Variants in TENM2 observed in about 807,000 individuals in gnomAD.
The protein encoded by TENM2 is teneurin-2.
Under a neutral mutation model 245.2 loss-of-function variants are expected in TENM2, and 52 were observed. That is an observed-to-expected ratio of 0.21 (90% confidence interval 0.17 to 0.27). The LOEUF is 0.27. Among genes scored for constraint, TENM2 ranks in the 10% least tolerant of loss-of-function variants. The pLI, the probability that TENM2 is intolerant of heterozygous loss-of-function variation, is 1.00. For synonymous variants in TENM2, 1,363 were observed against 1,438.9 expected, an observed-to-expected ratio of 0.95 and a Z score of 1.19; for missense variants, 3,046 against 3,666.8, an observed-to-expected ratio of 0.83 and a Z score of 4.37.
chr5:167,198,645 A>G, the TENM2 span, among the ~76,000 whole-genome samples: 2 of 152,002 alleles, frequency 1.3e-5, no homozygotes, highest in Non-Finnish European at 2.9e-5. Flanking sequence ...TGTGTCCCTT[A>G]CTTTGCAAGA....
chr5:168,200,548 G>A (rs1562274321), intron 17 of TENM2, among the ~76,000 whole-genome samples: 1 of 152,216 alleles, frequency 6.6e-6, no homozygotes, highest in Admixed American at 6.5e-5. Context: ...GAGAAGGCCA[G>A]TGTAGCTGGA....
chr5:168,069,460 C>G (rs1354757525), intron 7 of TENM2, among the ~76,000 whole-genome samples: 1 of 152,150 alleles, frequency 6.6e-6, no homozygotes, highest in Non-Finnish European at 1.5e-5. Flanking sequence ...CATCCGAGCT[C>G]TTATAAAAAT....
chr5:167,426,291 A>C (rs1274185490), intron 2 of TENM2, among the ~76,000 whole-genome samples: 1 of 152,222 alleles, frequency 6.6e-6, no homozygotes, highest in Non-Finnish European at 1.5e-5. Context: ...TATTCACAAT[A>C]GTATTTTAAA....
the TENM2 span, among the ~76,000 whole-genome samples, chr5:167,005,653 G>A: frequency 8.6e-6 from 1 of 116,512 alleles, no homozygotes; most frequent in Non-Finnish European, 1.7e-5. Flanking sequence ...TTCTGTGTGT[G>A]GGTTTTTTTT....
chr5:167,422,424 A>C (rs923292091), intron 2 of TENM2, among the ~76,000 whole-genome samples: 1 of 152,136 alleles, frequency 6.6e-6, no homozygotes, highest in African/African-American at 2.4e-5. Context: ...TAGGAACTTC[A>C]CTGGCCCAAA....
At position 167,285,075 on chromosome 5, in the gene TENM2, T is replaced by A. The variant is rs76784436; in HGVS notation, c.226+12T>A. The A allele has an allele frequency of 2.6e-6, 4 of 1,540,078 alleles. No homozygotes were observed. The highest frequency in any genetic ancestry group is 3.5e-6 in the Non-Finnish European group (4 of 1,136,170). On this transcript the variant is annotated intron_variant, in intron 1 of 28. Transcript: ENST00000518659. Reference sequence around the variant, plus strand: ...GTTTCCTAGACAAGGTTTGTAGGGTTTCCCCTGCTGATTTGCTCTCAACTG... The same window carrying A: ...GTTTCCTAGACAAGGTTTGTAGGGTATCCCCTGCTGATTTGCTCTCAACTG...
At chr5:168,113,508 C>T (rs761234250) in intron 9 of TENM2, among the ~76,000 whole-genome samples, 5 of 151,632 alleles carry the variant, frequency 3.3e-5, no homozygotes, top group African/African-American at 9.7e-5. Context: ...CTTTTCTCCA[C>T]GTATTCTCTT....
At chr5:167,435,876 A>C (rs1337241202) in intron 2 of TENM2, among the ~76,000 whole-genome samples, 2 of 151,892 alleles carry the variant, frequency 1.3e-5, no homozygotes, top group East Asian at 1.9e-4. Flanking sequence ...CAAAGAGATT[A>C]GCAGCATTTT....
chr5:168,041,072 G>A (rs1788143729), intron 5 of TENM2, among the ~76,000 whole-genome samples: 1 of 152,160 alleles, frequency 6.6e-6, no homozygotes, highest in Non-Finnish European at 1.5e-5. Flanking sequence ...TCTTGTCTAA[G>A]TAGTGGTTCA....
chr5:167,398,824 G>C (rs901310950), intron 2 of TENM2, among the ~76,000 whole-genome samples: 1 of 152,096 alleles, frequency 6.6e-6, no homozygotes, highest in African/African-American at 2.4e-5. Context: ...GAAGTGCCTG[G>C]CACGTAGTAA....
chr5:168,159,928 C>A (rs548818357), intron 12 of TENM2, among the ~76,000 whole-genome samples: 2 of 152,142 alleles, frequency 1.3e-5, no homozygotes, highest in African/African-American at 4.8e-5. Flanking sequence ...CTGACTGACA[C>A]GCTAGTGTTT....
Position 168,262,523 on chromosome 5 carries a change from C to T in TENM2, c.8038C>T (p.Arg2680Cys), listed in dbSNP as rs776846962. ...GTACTCCACGCTGCTGCTCAGCATC[C>T]GCTATGGCCTCACCCCCGACACCCT... is the stretch of plus-strand genomic sequence containing the variant. Residue 2680 changes from arginine to cysteine, a missense_variant, in exon 29 of 29, where the codon CGC becomes TGC. Coordinates refer to ENST00000518659, the Ensembl canonical transcript of TENM2. 2.8e-5 allele frequency: 43 copies of T among 1,555,928 alleles called. No individual in the cohort carries two copies. The highest frequency in any genetic ancestry group is 4.7e-5 in the South Asian group (4 of 84,274).
intron 12 of TENM2, among the ~76,000 whole-genome samples, chr5:168,159,982 C>T (rs1269183646): frequency 6.6e-6 from 1 of 152,198 alleles, no homozygotes; most frequent in Admixed American, 6.5e-5. Context: ...GTTTCCTATA[C>T]AATGAGGCTT....
At chr5:167,696,299 A>G (rs114285779) in intron 2 of TENM2, among the ~76,000 whole-genome samples, 4 of 152,216 alleles carry the variant, frequency 2.6e-5, no homozygotes, top group African/African-American at 9.6e-5. Context: ...AAATTTAAAA[A>G]GAGCCCCTGA....
chr5:168,154,146 T>TAAAAAAAAAAAAAAAAA (rs1562223601), intron 12 of TENM2, among the ~76,000 whole-genome samples: 9 of 75,750 alleles, frequency 1.2e-4, no homozygotes, highest in Admixed American at 2.9e-4. Context: ...ATCACCTACT[T>TAAAAAAAAAAAAAAAAA]TAAAAAAAAA....
intron 1 of TENM2, among the ~76,000 whole-genome samples, chr5:167,289,420 C>G (rs949633066): frequency 3.3e-5 from 5 of 152,280 alleles, no homozygotes; most frequent in African/African-American, 9.6e-5. Context: ...TGAATTCTTT[C>G]TCTGTACGTC....
rs552042108 is a variant in TENM2 at position 168,243,275 on chromosome 5, T to C, written c.5521-1145T>C. On this transcript the variant is annotated intron_variant, in intron 25 of 28. Transcript: ENST00000518659. ...CAGAGTCTAGTCTCCCAGCTCTGCC[T>C]TCTGGGATAGGCTTTCTTCTCTGAT... Among the ~76,000 whole-genome samples the C allele has an allele frequency of 9.2e-5, 14 of 152,338 alleles. No individual in the cohort carries two copies. The East Asian group carries it at 2.1e-3, about 23-fold the overall frequency.
chr5:168,240,840 CATT>C (rs1766030232), intron 25 of TENM2: 1 of 152,182 alleles, frequency 6.6e-6, no homozygotes, highest in Non-Finnish European at 1.5e-5. Context: ...AATCCTTCCT[CATT>C]GTTGCATCAT....
At chr5:168,187,807 T>C (rs1435083154) in intron 13 of TENM2, 1 of 152,196 alleles carries the variant, frequency 6.6e-6, no homozygotes, top group Non-Finnish European at 1.5e-5. Context: ...TCCAGTGCTG[T>C]TTCTAGGGTC....
Sources: allele counts gnomAD v4.1 joint callset (sites outside exome capture counted in the v4.1 genomes callset), GRCh38; gene constraint gnomAD v4.1.1; transcripts MANE v1.5; gene names NCBI Gene and HGNC (gene_info 2026-07-23, HGNC 2026-07-21).